ASTE1: variants seen among roughly 807,000 people sequenced by gnomAD.
ASTE1 encodes the protein asteroid structure-specific endonuclease 1.
A neutral mutation model predicts 45.8 loss-of-function variants in ASTE1; 49 were observed. That is an observed-to-expected ratio of 1.07 (90% CI 0.85 to 1.36). ASTE1 has a LOEUF of 1.36. Ranked by LOEUF, ASTE1 falls within the 40% of genes most tolerant of loss-of-function variation. ASTE1 has a pLI of 0.00. For missense variants in ASTE1, 709 were observed against 804.0 expected, an observed-to-expected ratio of 0.88 and a Z score of 1.43; for synonymous variants, 296 against 303.9, an observed-to-expected ratio of 0.97 and a Z score of 0.27.
intron 5 of ASTE1, 21 bp from the exon 6 acceptor site, chr3:131,014,408 G>C: frequency 6.5e-7 from 1 of 1,540,692 alleles, no homozygotes; most frequent in East Asian, 2.3e-5. Context: ...CAAGAAAAAA[G>C]TATGTTGTTA....
chr3:131,014,546 G>A (rs1320718362), intron 5 of ASTE1, among the ~76,000 whole-genome samples, 159 bp from the exon 6 acceptor site: 1 of 152,148 alleles, frequency 6.6e-6, no homozygotes, highest in Non-Finnish European at 1.5e-5. Context: ...TTCTTTGAAG[G>A]AAGGAACTGA....
intron 5 of ASTE1, 81 bp downstream of exon 5, chr3:131,016,063 T>G: frequency 6.6e-7 from 1 of 1,505,864 alleles, no homozygotes; most frequent in South Asian, 1.2e-5. Flanking sequence ...TTAAGTAACT[T>G]TGTTGCTTTA....
rs930357583 is a variant in ASTE1, at chr3:131,023,663, C to CT, written c.1302+341dup. Among the ~76,000 whole-genome samples the CT allele has an allele frequency of 4.0e-5, 6 of 150,640 alleles. No homozygotes were observed. The East Asian group carries it at 5.8e-4, about 15-fold the overall frequency. Reference sequence around the variant, plus strand: ...TTTTTTGCAGTTGTGAATTTTTTTCCTTTTTTTTTCAGCCACGTAACCCAT... The same window carrying CT: ...TTTTTTGCAGTTGTGAATTTTTTTCCTTTTTTTTTTCAGCCACGTAACCCAT... On this transcript the variant is annotated intron_variant, in intron 3 of 5. Coordinates refer to ENST00000264992, the MANE Select transcript of ASTE1 (RefSeq NM_014065.4).
Position 131,020,958 on chromosome 3 carries a change from C to A in ASTE1, c.1303-2242G>T, listed in dbSNP as rs148904632. On this transcript the variant is annotated intron_variant, in intron 3 of 5. Transcript: ENST00000264992. The stretch of plus-strand genomic sequence containing the variant: ...ATGTGGGGGGAAAAGGTATCCTGAT[C>A]CCTATTTCACACCATACGCACCCAC... Among the ~76,000 whole-genome samples the A allele has an allele frequency of 6.6e-5, 10 of 152,230 alleles. No individual in the cohort carries two copies. In the East Asian group the frequency reaches 1.9e-3, roughly 29 times the overall value.
At position 131,017,969 on chromosome 3, in the gene ASTE1, C is replaced by CA. The variant is rs10555602; in HGVS notation, c.1513+536dup. On this transcript the variant is annotated intron_variant, in intron 4 of 5. Transcript: ENST00000264992. ...TAGGCAACAGAGTGAGACTCCATCT[C>CA]AAAAAAAAAAAAAAAAAAAAAAAAA... 3.6e-3 allele frequency among the ~76,000 whole-genome samples: 160 copies of CA among 44,812 alleles called. 8 individuals are homozygous for CA. The highest frequency in any genetic ancestry group is 0.014 in the East Asian group (11 of 804). 29.4% of individuals were successfully genotyped at this position (44,812 alleles called of 152,430 possible).
In ASTE1 at chr3:131,024,651, G is replaced by A. The variant is rs140373702; in HGVS notation, c.656C>T (p.Ala219Val). 681 of 1,594,620 alleles carry A rather than the reference G, an allele frequency of 4.3e-4. 1 individual carries two copies. The highest frequency in any genetic ancestry group is 4.9e-4 in the Non-Finnish European group (577 of 1,170,446). ...AACATGGTCATTTCCACATAGCACC[G>A]CAAAGAGAGGTAGTAGAGCTTTATT... is the stretch of plus-strand genomic sequence containing the variant. ...NMNKALLPLF[A>V]VLCGNDHVNL... The change falls in exon 3 of 6, where the codon GCG (alanine) becomes GTG (valine). Residue 219 changes from alanine to valine, a missense_variant. Transcript: ENST00000264992.
At chr3:131,015,666 G>A (rs1267982032) in intron 5 of ASTE1, among the ~76,000 whole-genome samples, 2 of 152,136 alleles carry the variant, frequency 1.3e-5, no homozygotes, top group East Asian at 3.9e-4. Flanking sequence ...CACAGGGTAG[G>A]CATTTAATAT....
intron 4 of ASTE1, chr3:131,016,859 G>A: frequency 1.7e-6 from 1 of 580,786 alleles, no homozygotes; most frequent in South Asian, 1.9e-5. Flanking sequence ...AGGATAAGGG[G>A]CAAGAAGCAA....
intron 4 of ASTE1, chr3:131,016,679 A>G (rs550897941): frequency 2.9e-6 from 1 of 342,232 alleles, no homozygotes; most frequent in African/African-American, 2.1e-5. Flanking sequence ...TGACTATTAA[A>G]TATTATTCTC....
chr3:131,020,236 T>C (rs569789022), intron 3 of ASTE1, among the ~76,000 whole-genome samples: 2 of 152,216 alleles, frequency 1.3e-5, no homozygotes, highest in Non-Finnish European at 2.9e-5. Context: ...GTATAAGATG[T>C]TTCATCAAAC....
rs2063797124 is a variant in ASTE1, at chr3:131,025,008, A to C, written c.299T>G (p.Ile100Ser). ...AACAGAAAGGGAATGGGCCATCTGGATCTTCTCTCTAGCTCTATCCTTTAA... is the reference window on the plus strand; with the variant it reads ...AACAGAAAGGGAATGGGCCATCTGGCTCTTCTCTCTAGCTCTATCCTTTAA... ...TTLKDRAREK[I>S]QMAHSLSVGG... Residue 100 changes from isoleucine to serine, a missense_variant, in exon 3 of 6, where the codon ATC becomes AGC. Coordinates refer to ENST00000264992, the MANE Select transcript of ASTE1 (RefSeq NM_014065.4). 1.3e-6 allele frequency: 2 copies of C among 1,598,952 alleles called. No homozygotes were observed.
At chr3:131,026,212 T>C (rs1002048758) in intron 1 of ASTE1, 1 of 152,228 alleles carries the variant, frequency 6.6e-6, no homozygotes, top group Non-Finnish European at 1.5e-5. Context: ...TTTATTGGCA[T>C]CCATTTACAT....
At chr3:131,015,546 C>G (rs1212881808) in intron 5 of ASTE1, among the ~76,000 whole-genome samples, 8 of 152,232 alleles carry the variant, frequency 5.3e-5, no homozygotes, top group African/African-American at 1.7e-4. Flanking sequence ...TCCTTCTTGC[C>G]TGGTAAAGCA....
intron 2 of ASTE1, 51 bp from the exon 3 acceptor site, chr3:131,025,382 C>T (rs1383618424): frequency 6.5e-7 from 1 of 1,532,104 alleles, no homozygotes; most frequent in Non-Finnish European, 8.7e-7. Flanking sequence ...TATGGGGCAC[C>T]AAGTCATTGC....
intron 5 of ASTE1, chr3:131,015,217 C>T (rs7641006): frequency 0.18 from 128,151 of 699,898 alleles, 12,687 homozygotes; most frequent in Non-Finnish European, 0.21. Context: ...ATTTTGTATG[C>T]GTCCATATAT....
chr3:131,016,145 G>C lies in ASTE1; in HGVS notation c.1708C>G (p.Arg570Gly), dbSNP rs764105911. 1 of 1,613,342 alleles carries C rather than the reference G, an allele frequency of 6.2e-7. No individual in the cohort carries two copies. Among genetic ancestry groups the C allele is most frequent in the African/African-American group, 1.3e-5 (1 of 74,712 alleles). The change falls in exon 5 of 6, where the codon CGA (arginine) becomes GGA (glycine). Residue 570 changes from arginine to glycine, a missense_variant and splice_region_variant. Arg to Gly is a moderately radical substitution (Grantham distance 125). Transcript: ENST00000264992. ...STPLPEPDLT[R>G]LYSGSLVHGL... ...ACTAAAGTTTCCCATGGTGCTTACC[G>C]AGTTAGGTCTGGCTCTGGGAGAGGA... is the stretch of plus-strand genomic sequence containing the variant.
At chr3:131,025,404 T>C in intron 2 of ASTE1, 70 bp downstream of exon 2, 1 of 1,507,150 alleles carries the variant, frequency 6.6e-7, no homozygotes, top group Non-Finnish European at 8.8e-7. Context: ...TCCAGCACCA[T>C]TAAATCAATA....
chr3:131,025,383 A>C, intron 2 of ASTE1, 52 bp from the exon 3 acceptor site: 2 of 1,532,658 alleles, frequency 1.3e-6, no homozygotes, highest in Non-Finnish European at 8.7e-7. Flanking sequence ...ATGGGGCACC[A>C]AGTCATTGCT....
chr3:131,016,424 T>A, intron 4 of ASTE1, 85 bp from the exon 5 acceptor site: 1 of 1,422,052 alleles, frequency 7.0e-7, no homozygotes, highest in Non-Finnish European at 9.8e-7. Flanking sequence ...ACAAATTCTA[T>A]AAAGAAAGAA....
Sources: allele counts gnomAD v4.1 joint callset (sites outside exome capture counted in the v4.1 genomes callset), GRCh38; gene constraint gnomAD v4.1.1; transcripts MANE v1.5; gene names NCBI Gene and HGNC (gene_info 2026-07-23, HGNC 2026-07-21).